The following MYT1L variants were observed in gnomAD, a reference collection of about 807,000 sequenced individuals.
MYT1L encodes myelin transcription factor 1 like, also known as myelin transcription factor 1-like protein.
In MYT1L, 12 loss-of-function variants were observed where a neutral mutation model predicts 126.7. That is an observed-to-expected ratio of 0.09 (90% CI 0.06 to 0.15). The LOEUF (loss-of-function observed/expected upper bound fraction) is 0.15. MYT1L is among the 10% of genes least tolerant of loss of function. The pLI is 1.00. For synonymous variants in MYT1L, 541 were observed against 604.2 expected (o/e 0.90, Z 1.53); for missense variants, 979 against 1,585.2 (o/e 0.62, Z 6.49).
At chr2:1,896,042 CT>C (rs2148904664) in intron 14 of MYT1L, among the ~76,000 whole-genome samples, 1 of 152,310 alleles carries the variant, frequency 6.6e-6, no homozygotes, top group East Asian at 1.9e-4. Flanking sequence ...TGAACAGACA[CT>C]TCTCAAAAGA....
chr2:2,011,684 A>G (rs2063843805), intron 4 of MYT1L, among the ~76,000 whole-genome samples: 1 of 152,250 alleles, frequency 6.6e-6, no homozygotes, highest in Non-Finnish European at 1.5e-5. Context: ...AATCAATAAT[A>G]GAATGACAAC....
chr2:2,056,999 GATCC>G (rs1255184162), intron 3 of MYT1L, among the ~76,000 whole-genome samples: 14 of 152,164 alleles, frequency 9.2e-5, no homozygotes, highest in Non-Finnish European at 1.6e-4. Flanking sequence ...AGAATACAGA[GATCC>G]CATGCACCCG....
chr2:2,155,742 G>A lies in MYT1L; in HGVS notation c.-304+17130C>T, dbSNP rs73913227. 6.0e-3 allele frequency among the ~76,000 whole-genome samples: 907 copies of A among 152,246 alleles called. 11 individuals carry two copies. The highest frequency in any genetic ancestry group is 0.021 in the African/African-American group (868 of 41,538). ...CCACTGTGTCGGGGGGATGCTGGACGTCCTCATGGAGCTGTATGGAGCCAC... is the reference window on the plus strand; with the variant it reads ...CCACTGTGTCGGGGGGATGCTGGACATCCTCATGGAGCTGTATGGAGCCAC... On this transcript the variant is annotated intron_variant, in intron 3 of 24. Transcript: ENST00000647738.
chr2:2,108,063 G>A (rs769546389), intron 3 of MYT1L, among the ~76,000 whole-genome samples: 4 of 152,090 alleles, frequency 2.6e-5, no homozygotes, highest in East Asian at 1.9e-4. Context: ...CAACAGAAAC[G>A]AACACCTTGG....
intron 18 of MYT1L, among the ~76,000 whole-genome samples, chr2:1,880,446 T>C (rs2148787134): frequency 6.6e-6 from 1 of 152,348 alleles, no homozygotes; most frequent in East Asian, 1.9e-4. Flanking sequence ...CCAGTGATTC[T>C]TGTGCCTCAG....
At chr2:1,843,426 G>A (rs1372563147) in intron 19 of MYT1L, among the ~76,000 whole-genome samples, 1 of 152,086 alleles carries the variant, frequency 6.6e-6, no homozygotes, top group South Asian at 2.1e-4. Flanking sequence ...GAGTTACTAC[G>A]GTATCCTACC....
intron 2 of MYT1L, among the ~76,000 whole-genome samples, chr2:2,185,383 A>C (rs1211619328): frequency 6.6e-6 from 1 of 152,246 alleles, no homozygotes; most frequent in Non-Finnish European, 1.5e-5. Flanking sequence ...CTCACCACAA[A>C]TTGTGTGGCG....
chr2:1,888,421 T>C (rs1411202043), intron 16 of MYT1L, among the ~76,000 whole-genome samples: 11 of 152,366 alleles, frequency 7.2e-5, no homozygotes, highest in African/African-American at 2.4e-4. Flanking sequence ...ATGCAGATAA[T>C]AGGCTTATAA....
At chr2:2,119,554 C>T (rs2080693236) in intron 3 of MYT1L, among the ~76,000 whole-genome samples, 2 of 152,044 alleles carry the variant, frequency 1.3e-5, no homozygotes, top group Admixed American at 6.6e-5. Context: ...TTCCATTTTC[C>T]GTAAGAAAAA....
chr2:1,921,630 A>C (rs183172887), intron 10 of MYT1L, among the ~76,000 whole-genome samples: 1 of 152,344 alleles, frequency 6.6e-6, no homozygotes, highest in Admixed American at 6.5e-5. Flanking sequence ...GTTAAAAGGA[A>C]TGAATATCCT....
intron 4 of MYT1L, among the ~76,000 whole-genome samples, chr2:2,028,465 C>G (rs190337274): frequency 3.3e-5 from 5 of 152,226 alleles, no homozygotes; most frequent in African/African-American, 1.2e-4. Flanking sequence ...GGCTAGGAAT[C>G]TATGTAGTGG....
chr2:2,209,366 C>T (rs1373274594), intron 2 of MYT1L, among the ~76,000 whole-genome samples: 1 of 152,082 alleles, frequency 6.6e-6, no homozygotes, highest in Non-Finnish European at 1.5e-5. Flanking sequence ...ATTTTTGTAA[C>T]CATTAACCTT....
intron 9 of MYT1L, among the ~76,000 whole-genome samples, chr2:1,927,119 G>A (rs532390366): frequency 2.0e-5 from 3 of 152,312 alleles, no homozygotes; most frequent in South Asian, 4.2e-4. Context: ...TGACCGCTGG[G>A]TGGACTCACA....
At chr2:1,826,997 A>G (rs962938560) in intron 21 of MYT1L, 14 of 152,150 alleles carry the variant, frequency 9.2e-5, no homozygotes, top group African/African-American at 3.4e-4. Context: ...TCACTTTAGC[A>G]ATCCCCACCC....
intron 5 of MYT1L, among the ~76,000 whole-genome samples, chr2:1,995,892 C>T (rs2061796884): frequency 6.6e-6 from 1 of 152,076 alleles, no homozygotes; most frequent in Non-Finnish European, 1.5e-5. Flanking sequence ...TGAAGAGCTA[C>T]AAGAGAGAGG....
intron 18 of MYT1L, among the ~76,000 whole-genome samples, chr2:1,876,895 C>T (rs77887485): frequency 0.012 from 1,865 of 152,266 alleles, 39 homozygotes; most frequent in African/African-American, 0.041. Context: ...ATGTGTCCGC[C>T]GTCTCCCCAA....
chr2:2,046,794 C>T (rs563806399), intron 4 of MYT1L, among the ~76,000 whole-genome samples: 1 of 152,262 alleles, frequency 6.6e-6, no homozygotes, highest in South Asian at 2.1e-4. Context: ...AGAGGATACA[C>T]CCTTTCTGAG....
chr2:2,278,561 A>G (rs2095401466), intron 2 of MYT1L, among the ~76,000 whole-genome samples: 1 of 152,206 alleles, frequency 6.6e-6, no homozygotes, highest in South Asian at 2.1e-4. Flanking sequence ...ATTTTGAAGA[A>G]CATTCCAGAA....
intron 22 of MYT1L, among the ~76,000 whole-genome samples, chr2:1,803,446 A>T (rs578134299): frequency 6.6e-6 from 1 of 152,352 alleles, no homozygotes; most frequent in African/African-American, 2.4e-5. Context: ...CTTAGTTTGA[A>T]GAATTCATGA....
Sources: gnomAD v4.1 joint callset for allele counts (sites outside exome capture counted in the v4.1 genomes callset) on GRCh38, gnomAD v4.1.1 for gene constraint, MANE v1.5 for transcripts, NCBI Gene and HGNC (gene_info 2026-07-23, HGNC 2026-07-21) for gene names.